Variants in ADAM2 observed in about 807,000 individuals in gnomAD.
The protein encoded by ADAM2 is ADAM metallopeptidase domain 2, also known as disintegrin and metalloproteinase domain-containing protein 2.
In ADAM2, 101 loss-of-function variants were observed where a neutral mutation model predicts 99.3. The ratio of observed to expected loss-of-function variants is 1.02; its 90% confidence interval spans 0.87 to 1.20. The LOEUF (loss-of-function observed/expected upper bound fraction) is 1.20, where lower values mean the gene tolerates loss of function less well. ADAM2 is among the 50% of genes most tolerant of loss of function. ADAM2 has a pLI of 0.00. For synonymous variants in ADAM2, 323 were observed against 287.6 expected (o/e 1.12, Z -1.25); for missense variants, 948 against 878.7 (o/e 1.08, Z -1.00).
chr8:39,787,677 A>G (rs1009283508), intron 9 of ADAM2, among the ~76,000 whole-genome samples: 3 of 151,606 alleles, frequency 2.0e-5, no homozygotes, highest in African/African-American at 7.3e-5. Flanking sequence ...ATGCAGATAT[A>G]TTAGAGATAT....
In ADAM2 at chr8:39,821,053, A is replaced by G. The variant is rs1805160557; in HGVS notation, c.462T>C (p.Asn154=). The part of the protein sequence containing the change: ...KHKKADVSLY[N]EKDIESRDLS... The stretch of plus-strand genomic sequence containing the variant: ...GATCTCTTGATTCAATATCCTTCTC[A>G]TTATATAAGGAAACATCTGCTTTCT... Residue 154 remains asparagine (N), a synonymous_variant, in exon 6 of 21, where the codon AAT becomes AAC. Coordinates refer to ENST00000265708, the MANE Select transcript of ADAM2 (RefSeq NM_001464.5). 6.2e-7 allele frequency: 1 copy of G among 1,604,442 alleles called. No homozygotes were observed. The highest frequency in any genetic ancestry group is 1.3e-5 in the African/African-American group (1 of 74,570).
At position 39,746,600 on chromosome 8, in the gene ADAM2, G is replaced by A; in HGVS notation, c.2046C>T (p.Ser682=). Reference sequence around the variant, plus strand: ...AGAAAAATGGCCATCTCATTGGTTTGGAATGGTAAATGTTCTCAATGTAGC... The same window carrying A: ...AGAAAAATGGCCATCTCATTGGTTTAGAATGGTAAATGTTCTCAATGTAGC... ...ERRYIENIYH[S]KPMRWPFFLF... The change falls in exon 19 of 21, where the codon TCC becomes TCT. Residue 682 remains serine, a synonymous_variant. Transcript: ENST00000265708. The A allele has an allele frequency of 1.2e-6, 2 of 1,605,098 alleles. No individual in the cohort carries two copies. The highest frequency in any genetic ancestry group is 1.7e-6 in the Non-Finnish European group (2 of 1,176,932).
At chr8:39,793,481 T>C (rs1039026135) in intron 7 of ADAM2, among the ~76,000 whole-genome samples, 1 of 152,146 alleles carries the variant, frequency 6.6e-6, no homozygotes, top group Non-Finnish European at 1.5e-5. Flanking sequence ...GGGAGAATTT[T>C]TTAAGCTAGA....
intron 7 of ADAM2, among the ~76,000 whole-genome samples, chr8:39,801,459 G>GTAATA (rs1398678496): frequency 4.7e-4 from 71 of 152,238 alleles, no homozygotes; most frequent in African/African-American, 1.6e-3. Context: ...CTCTATAGGG[G>GTAATA]GTCTGACAAC....
At chr8:39,832,935 TCTA>T (rs1346644451) in intron 3 of ADAM2, among the ~76,000 whole-genome samples, 15 of 152,254 alleles carry the variant, frequency 9.9e-5, no homozygotes, top group Middle Eastern at 3.4e-3. Context: ...GCTTAAGAAA[TCTA>T]CTGTTATGCT....
At chr8:39,749,474 T>C (rs1476128550) in intron 17 of ADAM2, 24 bp from the exon 18 acceptor site, 1 of 1,601,176 alleles carries the variant, frequency 6.2e-7, no homozygotes, top group East Asian at 2.2e-5. Context: ...AAATATCACC[T>C]TATAAGATAA....
chr8:39,759,033 T>C (rs1391747941), intron 15 of ADAM2, among the ~76,000 whole-genome samples: 1 of 152,118 alleles, frequency 6.6e-6, no homozygotes, highest in Non-Finnish European at 1.5e-5. Context: ...TTAAAACTAG[T>C]TAGTTAAAGT....
intron 15 of ADAM2, among the ~76,000 whole-genome samples, chr8:39,759,906 G>A (rs919973784): frequency 1.3e-5 from 2 of 151,904 alleles, no homozygotes; most frequent in Admixed American, 6.6e-5. Context: ...TCGCTCTGTC[G>A]CCCAGGCTGG....
At chr8:39,770,922 C>A (rs1802754714) in intron 11 of ADAM2, among the ~76,000 whole-genome samples, 1 of 152,186 alleles carries the variant, frequency 6.6e-6, no homozygotes, top group African/African-American at 2.4e-5. Flanking sequence ...AATGCAATAG[C>A]CTACTAGCTC....
chr8:39,826,804 T>G lies in ADAM2; in HGVS notation c.189-1907A>C, dbSNP rs547804952. 1.3e-5 allele frequency among the ~76,000 whole-genome samples: 2 copies of G among 151,612 alleles called. 1 individual carries two copies. The highest frequency in any genetic ancestry group is 4.8e-5 in the African/African-American group (2 of 41,286). ...ATGCTAAAACTACTAGAAGAAAGCA[T>G]AGAGGAAATGCTTGACATTGGTCTG... is the stretch of plus-strand genomic sequence containing the variant. On this transcript the variant is annotated intron_variant, in intron 3 of 20. Transcript: ENST00000265708.
At chr8:39,752,518 T>C (rs187124225) in intron 16 of ADAM2, among the ~76,000 whole-genome samples, 1 of 152,300 alleles carries the variant, frequency 6.6e-6, no homozygotes, top group Admixed American at 6.5e-5. Context: ...CTCTAACTTG[T>C]CTGGTAGCTG....
intron 3 of ADAM2, among the ~76,000 whole-genome samples, chr8:39,832,185 A>G (rs1244850588): frequency 6.6e-6 from 1 of 152,136 alleles, no homozygotes; most frequent in Non-Finnish European, 1.5e-5. Flanking sequence ...CTTATTTTGT[A>G]TATTTGAAAG....
intron 11 of ADAM2, among the ~76,000 whole-genome samples, chr8:39,776,064 T>C (rs1802976950): frequency 6.6e-6 from 1 of 152,096 alleles, no homozygotes; most frequent in African/African-American, 2.4e-5. Flanking sequence ...TTAGTAACAT[T>C]GTATTTAAAT....
chr8:39,778,591 G>A (rs1766657426), intron 10 of ADAM2, among the ~76,000 whole-genome samples: 1 of 151,962 alleles, frequency 6.6e-6, no homozygotes. Flanking sequence ...CATGCACATG[G>A]ATAAATACTC....
chr8:39,831,579 G>A lies in ADAM2; in HGVS notation c.188+2365C>T, dbSNP rs562523643. ...AACTTAAGAATAAAGAGGTTTTAAC[G>A]TTGAAACAGATAAAAAACAGAGATA... On this transcript the variant is annotated intron_variant, in intron 3 of 20. Coordinates refer to ENST00000265708, the MANE Select transcript of ADAM2 (RefSeq NM_001464.5). 2.8e-4 allele frequency among the ~76,000 whole-genome samples: 43 copies of A among 152,160 alleles called. No homozygotes were observed. In the South Asian group the frequency reaches 7.5e-3, roughly 26 times the overall value.
rs1440587860 is a variant in ADAM2, at chr8:39,789,987, GA to G, written c.571-1248del. Among the ~76,000 whole-genome samples the G allele has an allele frequency of 2.6e-4, 39 of 151,840 alleles. 1 individual carries two copies. The South Asian group carries it at 4.1e-3, about 16-fold the overall frequency. On this transcript the variant is annotated intron_variant, in intron 7 of 20. Coordinates refer to ENST00000265708, the MANE Select transcript of ADAM2 (RefSeq NM_001464.5). ...GAAATGTAAATCAAAACCACAAAGA[GA>G]AACAAATTCACATCCATTAGAATCA...
chr8:39,761,146 A>G, intron 15 of ADAM2, 30 bp downstream of exon 15: 1 of 1,347,176 alleles, frequency 7.4e-7, no homozygotes, highest in Non-Finnish European at 1.0e-6. Flanking sequence ...TGATAAATAG[A>G]AGTTCTAAGA....
intron 3 of ADAM2, among the ~76,000 whole-genome samples, chr8:39,825,239 G>A (rs1320243204): frequency 6.6e-6 from 1 of 152,012 alleles, no homozygotes; most frequent in Non-Finnish European, 1.5e-5. Context: ...TTCCCACTGA[G>A]GTTTATCTTG....
Position 39,769,488 on chromosome 8 carries a change from G to T in ADAM2, c.1116C>A (p.His372Gln), listed in dbSNP as rs1184910566. The T allele has an allele frequency of 6.2e-7, 1 of 1,613,710 alleles. No homozygotes were observed. Among genetic ancestry groups the T allele is most frequent in the East Asian group, 2.2e-5 (1 of 44,870 alleles). ...FISKQKSQCLHNQPRLDPFFK... is the reference protein window; with the variant it reads ...FISKQKSQCLQNQPRLDPFFK... Reference sequence around the variant, plus strand: ...AAAAAGGATCTAAGCGAGGCTGATTGTGAAGACACTGGGACTTCTGCTTTG... The same window carrying T: ...AAAAAGGATCTAAGCGAGGCTGATTTTGAAGACACTGGGACTTCTGCTTTG... The change falls in exon 12 of 21, where the codon CAC becomes CAA. Residue 372 changes from histidine (H) to glutamine (Q), a missense_variant. Transcript: ENST00000265708.
Sources: gnomAD v4.1 joint callset for allele counts (sites outside exome capture counted in the v4.1 genomes callset) on GRCh38, gnomAD v4.1.1 for gene constraint, MANE v1.5 for transcripts, NCBI Gene and HGNC (gene_info 2026-07-23, HGNC 2026-07-21) for gene names.